Variants in ROBO2 observed in about 807,000 individuals in gnomAD.
The protein encoded by ROBO2 is roundabout guidance receptor 2.
ROBO2 carries 53 observed loss-of-function variants against 160.8 expected under a neutral mutation model. The ratio of observed to expected loss-of-function variants is 0.33; its 90% CI spans 0.26 to 0.41. The LOEUF (loss-of-function observed/expected upper bound fraction) is 0.41, where lower values mean the gene tolerates loss of function less well. ROBO2 is among the 10% of genes least tolerant of loss of function. The pLI is 1.00. For missense variants in ROBO2, 1,577 were observed against 1,722.4 expected (o/e 0.92, Z 1.49); for synonymous variants, 664 against 611.7 (o/e 1.09, Z -1.26).
chr3:77,520,914 A>G (rs1433093959), intron 5 of ROBO2, among the ~76,000 whole-genome samples: 1 of 151,342 alleles, frequency 6.6e-6, no homozygotes. Context: ...GTTTATCTGC[A>G]TGCATTTTAG....
intron 2 of ROBO2, among the ~76,000 whole-genome samples, chr3:77,152,941 C>T (rs1490103885): frequency 6.6e-6 from 1 of 152,076 alleles, no homozygotes; most frequent in Non-Finnish European, 1.5e-5. Context: ...CCTTCTTTGC[C>T]CAGTGACTGA....
In ROBO2 at chr3:76,102,688, A is replaced by T. The variant is rs571501644; in HGVS notation, c.109+165086A>T. ...AGTAACATTTATTTTGGTAGAAGGG[A>T]TGAGAGAAAACCAGCTTTTCAATGT... is the stretch of plus-strand genomic sequence containing the variant. On this transcript the variant is annotated intron_variant, in intron 2 of 26. Coordinates refer to the ROBO2 transcript ENST00000487694. Among the ~76,000 whole-genome samples, 3 of 152,294 alleles carry T rather than the reference A, an allele frequency of 2.0e-5. No individual in the cohort carries two copies. In the East Asian group the frequency reaches 5.8e-4, roughly 29 times the overall value.
At chr3:76,464,030 G>A (rs1443428151) in intron 2 of ROBO2, among the ~76,000 whole-genome samples, 3 of 152,130 alleles carry the variant, frequency 2.0e-5, no homozygotes, top group Admixed American at 2.0e-4. Flanking sequence ...ATAGGAGTTG[G>A]AAAGAGAAAT....
intron 2 of ROBO2, among the ~76,000 whole-genome samples, chr3:77,101,538 A>G (rs1441490454): frequency 1.3e-5 from 2 of 152,164 alleles, no homozygotes; most frequent in Non-Finnish European, 2.9e-5. Flanking sequence ...CCACGGAAGT[A>G]TATAGAAGTA....
At chr3:76,545,802 C>A (rs140757072) in intron 2 of ROBO2, among the ~76,000 whole-genome samples, 1 of 151,822 alleles carries the variant, frequency 6.6e-6, no homozygotes, top group African/African-American at 2.4e-5. Flanking sequence ...CAAATTAATG[C>A]CTAATTCTAT....
At chr3:76,652,947 C>T (rs574626755) in intron 2 of ROBO2, among the ~76,000 whole-genome samples, 1 of 152,124 alleles carries the variant, frequency 6.6e-6, no homozygotes, top group East Asian at 1.9e-4. Flanking sequence ...TGCTTTTTAA[C>T]TATCATGTTG....
At chr3:76,141,153 C>CTATATTTATATA (rs1451364489) in intron 2 of ROBO2, among the ~76,000 whole-genome samples, 1 of 34,650 alleles carries the variant, frequency 2.9e-5, no homozygotes, top group Non-Finnish European at 5.0e-5. Flanking sequence ...CTCTCTCTCT[C>CTATATTTATATA]TCTCTCTATA....
chr3:76,073,682 G>T (rs2068549987), intron 2 of ROBO2, among the ~76,000 whole-genome samples: 1 of 152,114 alleles, frequency 6.6e-6, no homozygotes, highest in Non-Finnish European at 1.5e-5. Flanking sequence ...CGTTAAATTG[G>T]AGTGTAGTCA....
chr3:76,366,058 A>G (rs1428673938), intron 2 of ROBO2, among the ~76,000 whole-genome samples: 1 of 151,874 alleles, frequency 6.6e-6, no homozygotes, highest in African/African-American at 2.4e-5. Context: ...AGGCCTCCCC[A>G]TTTCTCAGCC....
intron 6 of ROBO2, among the ~76,000 whole-genome samples, chr3:77,542,942 G>T (rs908271317): frequency 1.3e-5 from 2 of 152,140 alleles, no homozygotes; most frequent in Non-Finnish European, 2.9e-5. Context: ...TTGTTTAGCA[G>T]AAATCATCTG....
chr3:77,334,625 C>T (rs571087750), intron 2 of ROBO2, among the ~76,000 whole-genome samples: 9 of 152,232 alleles, frequency 5.9e-5, no homozygotes, highest in African/African-American at 7.2e-5. Context: ...TACCATATAG[C>T]AAACTTCCTG....
chr3:77,595,310 A>G, intron 18 of ROBO2, 126 bp downstream of exon 19: 1 of 737,382 alleles, frequency 1.4e-6, no homozygotes, highest in East Asian at 2.7e-5. Context: ...GAGGAATTAA[A>G]TGGCTTACCA....
chr3:76,967,957 A>G (rs1320431510), intron 2 of ROBO2, among the ~76,000 whole-genome samples: 1 of 152,122 alleles, frequency 6.6e-6, no homozygotes, highest in African/African-American at 2.4e-5. Flanking sequence ...TACATTGTTG[A>G]TGAAGTTAGG....
intron 2 of ROBO2, among the ~76,000 whole-genome samples, chr3:76,376,798 T>G (rs968877730): frequency 3.9e-5 from 6 of 152,110 alleles, no homozygotes; most frequent in African/African-American, 1.4e-4. Context: ...GTCTTCAAAT[T>G]TGACCATTTA....
At chr3:76,681,389 C>A (rs2092558150) in intron 2 of ROBO2, among the ~76,000 whole-genome samples, 1 of 152,088 alleles carries the variant, frequency 6.6e-6, no homozygotes, top group African/African-American at 2.4e-5. Context: ...TGCATTCAAC[C>A]ACTTCAATCC....
chr3:77,118,186 A>C (rs2150238892), intron 2 of ROBO2, among the ~76,000 whole-genome samples: 1 of 152,340 alleles, frequency 6.6e-6, no homozygotes, highest in South Asian at 2.1e-4. Context: ...AACCTTTAGT[A>C]GTTGACTATG....
chr3:76,460,348 TAACAGGA>T (rs1283460352), intron 2 of ROBO2, among the ~76,000 whole-genome samples: 1 of 152,126 alleles, frequency 6.6e-6, no homozygotes, highest in Non-Finnish European at 1.5e-5. Context: ...CATTTCAAAA[TAACAGGA>T]AACCTATAAG....
intron 2 of ROBO2, among the ~76,000 whole-genome samples, chr3:77,180,960 A>C (rs2150844620): frequency 6.6e-6 from 1 of 152,188 alleles, no homozygotes; most frequent in Non-Finnish European, 1.5e-5. Context: ...ACCAGATCCA[A>C]CCTAGCTGCA....
At chr3:77,168,025 G>A (rs970450957) in intron 2 of ROBO2, among the ~76,000 whole-genome samples, 1 of 152,160 alleles carries the variant, frequency 6.6e-6, no homozygotes, top group Non-Finnish European at 1.5e-5. Context: ...TGAACTTAAT[G>A]CATACCTTGA....
Sources: gnomAD v4.1 joint callset for allele counts (sites outside exome capture counted in the v4.1 genomes callset) on GRCh38, gnomAD v4.1.1 for gene constraint, MANE v1.5 for transcripts, NCBI Gene and HGNC (gene_info 2026-07-23, HGNC 2026-07-21) for gene names.